TBC1D5: variants seen among roughly 807,000 people sequenced by gnomAD.
TBC1D5 encodes the protein TBC1 domain family, member 5.
In TBC1D5, 75 loss-of-function variants were observed where a neutral mutation model predicts 100.3. The ratio of observed to expected loss-of-function variants is 0.75; its 90% CI spans 0.62 to 0.91. The LOEUF (loss-of-function observed/expected upper bound fraction) is 0.91, where lower values mean the gene tolerates loss of function less well. Among genes scored for constraint, TBC1D5 ranks in the 40% least tolerant of loss-of-function variants. The pLI is 0.00. For missense variants in TBC1D5, 910 were observed against 942.4 expected (o/e 0.97, Z 0.45); for synonymous variants, 323 against 325.6 (o/e 0.99, Z 0.09).
intron 3 of TBC1D5, among the ~76,000 whole-genome samples, chr3:17,473,208 T>C (rs1331338319): frequency 6.6e-6 from 1 of 152,170 alleles, no homozygotes; most frequent in Admixed American, 6.5e-5. Context: ...CCCAGGAGTT[T>C]GAGACCAGCC....
chr3:17,306,686 CAT>C (rs1490506080), intron 14 of TBC1D5, among the ~76,000 whole-genome samples: 1 of 152,054 alleles, frequency 6.6e-6, no homozygotes, highest in Non-Finnish European at 1.5e-5. Context: ...TACAGAAAAT[CAT>C]AATACTTTTC....
chr3:17,451,779 C>T (rs991948865), intron 3 of TBC1D5, among the ~76,000 whole-genome samples: 5 of 151,986 alleles, frequency 3.3e-5, no homozygotes, highest in African/African-American at 9.7e-5. Flanking sequence ...AAATATTAGC[C>T]GGGCGTGGTG....
intron 2 of TBC1D5, among the ~76,000 whole-genome samples, chr3:17,568,851 C>CTA (rs777252128): frequency 6.6e-6 from 1 of 151,650 alleles, no homozygotes; most frequent in African/African-American, 2.4e-5. Flanking sequence ...ACTCATGTAG[C>CTA]TATACAGCAT....
At chr3:17,548,818 A>ATATT (rs2096444825) in intron 2 of TBC1D5, among the ~76,000 whole-genome samples, 1 of 152,238 alleles carries the variant, frequency 6.6e-6, no homozygotes, top group Non-Finnish European at 1.5e-5. Context: ...TTAAGCTACA[A>ATATT]AACATACAAT....
intron 17 of TBC1D5, among the ~76,000 whole-genome samples, chr3:17,227,356 T>C (rs955488549): frequency 6.6e-6 from 1 of 152,110 alleles, no homozygotes; most frequent in Non-Finnish European, 1.5e-5. Flanking sequence ...CAATATGTAA[T>C]TGAAAATGAT....
chr3:17,488,094 G>T (rs2095593065), intron 3 of TBC1D5, among the ~76,000 whole-genome samples: 1 of 152,118 alleles, frequency 6.6e-6, no homozygotes. Flanking sequence ...ATACAGAATA[G>T]TTTCACTGCC....
intron 21 of TBC1D5, among the ~76,000 whole-genome samples, chr3:17,162,871 C>T (rs1474151402): frequency 6.6e-6 from 1 of 152,192 alleles, no homozygotes; most frequent in African/African-American, 2.4e-5. Context: ...GAATTGTAGA[C>T]ACTTTGTTCA....
intron 2 of TBC1D5, among the ~76,000 whole-genome samples, chr3:17,519,912 T>C (rs953416136): frequency 3.3e-5 from 5 of 152,164 alleles, no homozygotes; most frequent in Admixed American, 3.3e-4. Flanking sequence ...GCACCTACTA[T>C]AGCCAACACA....
chr3:17,215,798 T>G (rs2073566990), intron 17 of TBC1D5, among the ~76,000 whole-genome samples: 3 of 152,118 alleles, frequency 2.0e-5, no homozygotes, highest in Admixed American at 2.0e-4. Context: ...GAAAATCAAG[T>G]AGATAATAAG....
intron 15 of TBC1D5, among the ~76,000 whole-genome samples, chr3:17,283,767 C>T (rs1403008521): frequency 6.6e-6 from 1 of 151,772 alleles, no homozygotes; most frequent in African/African-American, 2.4e-5. Context: ...ACTTTTTATC[C>T]ATCAGGTAAG....
intron 1 of TBC1D5, among the ~76,000 whole-genome samples, chr3:17,729,321 G>A (rs190811447): frequency 3.4e-5 from 5 of 147,458 alleles, no homozygotes; most frequent in African/African-American, 1.2e-4. Context: ...TACTATCAGT[G>A]CATAAGGATT....
chr3:17,262,484 T>TTC (rs1027195356), intron 15 of TBC1D5, among the ~76,000 whole-genome samples: 3 of 149,628 alleles, frequency 2.0e-5, no homozygotes, highest in Admixed American at 6.6e-5. Flanking sequence ...CAATGTTTTT[T>TTC]TTTTTTTTTT....
At chr3:17,206,071 G>A (rs745735353) in intron 18 of TBC1D5, among the ~76,000 whole-genome samples, 1 of 152,094 alleles carries the variant, frequency 6.6e-6, no homozygotes, top group Non-Finnish European at 1.5e-5. Context: ...TCCTATAGAA[G>A]GTATTGTTGA....
chr3:17,648,151 G>T (rs1352287319), intron 1 of TBC1D5, among the ~76,000 whole-genome samples: 1 of 152,232 alleles, frequency 6.6e-6, no homozygotes, highest in East Asian at 1.9e-4. Context: ...CAATGGAACA[G>T]AATAGAGAGC....
At chr3:17,257,107 T>C (rs2077778409) in intron 16 of TBC1D5, among the ~76,000 whole-genome samples, 1 of 152,078 alleles carries the variant, frequency 6.6e-6, no homozygotes, top group Non-Finnish European at 1.5e-5. Context: ...TTGGAGATGT[T>C]TACATGGAGG....
chr3:17,270,449 G>A (rs1384174809), intron 15 of TBC1D5, among the ~76,000 whole-genome samples: 1 of 152,124 alleles, frequency 6.6e-6, no homozygotes, highest in Non-Finnish European at 1.5e-5. Flanking sequence ...CAGAAAGATT[G>A]AGCTCTTCAG....
chr3:17,313,804 C>T (rs866930329), intron 13 of TBC1D5, among the ~76,000 whole-genome samples: 1 of 152,174 alleles, frequency 6.6e-6, no homozygotes, highest in African/African-American at 2.4e-5. Context: ...ACAACAATTA[C>T]GTTGGAAATA....
At chr3:17,606,394 G>A (rs927283978) in intron 2 of TBC1D5, among the ~76,000 whole-genome samples, 1 of 152,154 alleles carries the variant, frequency 6.6e-6, no homozygotes, top group African/African-American at 2.4e-5. Flanking sequence ...AGGCTGCAGT[G>A]AGCGGTGATT....
chr3:17,249,342 G>A (rs1026997142), intron 16 of TBC1D5, among the ~76,000 whole-genome samples: 4 of 152,202 alleles, frequency 2.6e-5, no homozygotes, highest in African/African-American at 9.6e-5. Flanking sequence ...TTGATATAAA[G>A]TGAGAGATGT....
Sources: allele counts gnomAD v4.1 joint callset (sites outside exome capture counted in the v4.1 genomes callset), GRCh38; gene constraint gnomAD v4.1.1; transcripts MANE v1.5; gene names NCBI Gene and HGNC (gene_info 2026-07-23, HGNC 2026-07-21).